PDE8B: variants seen among roughly 807,000 people sequenced by gnomAD.
PDE8B encodes the protein high affinity cAMP-specific and IBMX-insensitive 3',5'-cyclic phosphodiesterase 8B.
In PDE8B, 26 loss-of-function variants were observed where a neutral mutation model predicts 101.3. The observed-to-expected ratio is 0.26, with a 90% CI of 0.19 to 0.36. The LOEUF (loss-of-function observed/expected upper bound fraction) is 0.36, where lower values mean the gene tolerates loss of function less well. Among genes scored for constraint, PDE8B ranks in the 10% least tolerant of loss-of-function variants. The pLI is 1.00. For missense variants in PDE8B, 810 were observed against 1,163.1 expected (o/e 0.70, Z 4.42); for synonymous variants, 424 against 429.3 (o/e 0.99, Z 0.15).
At chr5:77,141,438 C>T in the PDE8B span, 2 of 152,152 alleles carry the variant, frequency 1.3e-5, no homozygotes, top group Admixed American at 6.5e-5. Flanking sequence ...GGCATCTAAC[C>T]CACCTGCTTT....
the PDE8B span, among the ~76,000 whole-genome samples, chr5:77,180,081 T>C: frequency 2.0e-5 from 3 of 150,638 alleles, no homozygotes; most frequent in South Asian, 4.3e-4. Context: ...GTAAAGGGGG[T>C]GTTGGGAATC....
At chr5:77,304,171 G>A (rs1040847470) in intron 1 of PDE8B, among the ~76,000 whole-genome samples, 1 of 152,074 alleles carries the variant, frequency 6.6e-6, no homozygotes. Flanking sequence ...GTTTCTGAGG[G>A]GCCACTTTCT....
At chr5:77,245,048 G>A (rs1292356471) in intron 1 of PDE8B, among the ~76,000 whole-genome samples, 1 of 152,170 alleles carries the variant, frequency 6.6e-6, no homozygotes, top group East Asian at 1.9e-4. Flanking sequence ...GTATCTTAAG[G>A]GAAACCTTAA....
chr5:77,363,081 T>C (rs1290120118), intron 10 of PDE8B, among the ~76,000 whole-genome samples: 1 of 152,226 alleles, frequency 6.6e-6, no homozygotes. Flanking sequence ...GTAAGATGTC[T>C]TTCGTGTTGA....
chr5:77,178,605 A>G, the PDE8B span, among the ~76,000 whole-genome samples: 3 of 152,264 alleles, frequency 2.0e-5, no homozygotes, highest in East Asian at 3.9e-4. Context: ...TTCGTTTGCT[A>G]TTGCTACATA....
At chr5:77,316,877 A>G (rs1053134330) in intron 2 of PDE8B, among the ~76,000 whole-genome samples, 3 of 152,190 alleles carry the variant, frequency 2.0e-5, no homozygotes, top group Non-Finnish European at 4.4e-5. Context: ...TTTGGCTCCA[A>G]ATAACAGCAG....
At chr5:77,263,748 T>A (rs1293240179) in intron 1 of PDE8B, among the ~76,000 whole-genome samples, 3 of 152,216 alleles carry the variant, frequency 2.0e-5, no homozygotes, top group African/African-American at 7.2e-5. Flanking sequence ...TGGAGGTTAT[T>A]GTTATTAATT....
intron 12 of PDE8B, 29 bp from the exon 13 acceptor site, chr5:77,407,352 T>C: frequency 2.5e-6 from 4 of 1,602,298 alleles, no homozygotes; most frequent in Non-Finnish European, 3.4e-6. Context: ...CCACCGGAAC[T>C]GGACACAGCT....
At chr5:77,214,754 A>G (rs1350363997) in intron 1 of PDE8B, among the ~76,000 whole-genome samples, 3 of 152,184 alleles carry the variant, frequency 2.0e-5, no homozygotes, top group African/African-American at 7.2e-5. Context: ...TTTACGCAAG[A>G]ATCACCTAGA....
chr5:77,324,603 AC>A (rs1200264526), intron 2 of PDE8B, among the ~76,000 whole-genome samples: 2 of 152,220 alleles, frequency 1.3e-5, no homozygotes, highest in African/African-American at 2.4e-5. Flanking sequence ...CAATAGAAGC[AC>A]TTTTCCCTCG....
At chr5:77,370,716 C>T (rs1784935128) in intron 10 of PDE8B, among the ~76,000 whole-genome samples, 1 of 152,172 alleles carries the variant, frequency 6.6e-6, no homozygotes, top group Non-Finnish European at 1.5e-5. Context: ...TGTGTGTTTA[C>T]TTTTGTAAGA....
chr5:77,177,133 G>A, the PDE8B span, among the ~76,000 whole-genome samples: 1 of 151,874 alleles, frequency 6.6e-6, no homozygotes, highest in South Asian at 2.1e-4. Flanking sequence ...TGCATGGTAG[G>A]TGATAAATAT....
chr5:77,207,749 C>A (rs1430610169), upstream of PDE8B, among the ~76,000 whole-genome samples: 1 of 152,212 alleles, frequency 6.6e-6, no homozygotes, highest in African/African-American at 2.4e-5. Flanking sequence ...TCCACTTGCA[C>A]ACTTCTGCAA....
chr5:77,365,863 C>T (rs1338251865), intron 10 of PDE8B, among the ~76,000 whole-genome samples: 5 of 152,130 alleles, frequency 3.3e-5, no homozygotes, highest in East Asian at 1.9e-4. Context: ...GAGGTGCTTC[C>T]GTAGGGGTAG....
chr5:77,191,578 C>A, the PDE8B span, among the ~76,000 whole-genome samples: 14 of 152,228 alleles, frequency 9.2e-5, no homozygotes, highest in African/African-American at 3.1e-4. Context: ...TGGTCTCAAT[C>A]TCCTGACCTC....
Position 77,351,098 on chromosome 5 carries a change from T to C in PDE8B, c.1051T>C (p.Ser351Pro). The C allele has an allele frequency of 6.2e-7, 1 of 1,614,098 alleles. No individual in the cohort carries two copies. The highest frequency in any genetic ancestry group is 8.5e-7 in the Non-Finnish European group (1 of 1,179,992). Residue 351 changes from serine (S) to proline (P), a missense_variant, in exon 9 of 22, where the codon TCC becomes CCC. Physicochemically the swap from Ser to Pro is moderately conservative, Grantham distance 74 (BLOSUM62 -1). This residue lies in a region of PDE8B where 251 missense variants were observed against 378.8 expected (regional missense o/e 0.66). Coordinates refer to ENST00000264917, the MANE Select transcript of PDE8B (RefSeq NM_003719.5). ...GGGGGTTTACTATGCCAGACGGAAA[T>C]CCGGGGACAGCATCCAACAGCACGT... ...WQGVYYARRK[S>P]GDSIQQHVKI...
In PDE8B at chr5:77,232,942, G is replaced by A. The variant is rs182832929; in HGVS notation, c.339+21678G>A. Among the ~76,000 whole-genome samples, 20 of 152,268 alleles carry A rather than the reference G, an allele frequency of 1.3e-4. No individual in the cohort carries two copies. The East Asian group carries it at 3.3e-3, about 25-fold the overall frequency. On this transcript the variant is annotated intron_variant, in intron 1 of 21. Transcript: ENST00000264917. ...TAAAGGGAATACTGCTGTAAGTAGC[G>A]AATCCTTTGAATTGGAAGATGTCAC...
At chr5:77,335,856 A>T (rs575793098) in intron 5 of PDE8B, among the ~76,000 whole-genome samples, 2 of 152,084 alleles carry the variant, frequency 1.3e-5, no homozygotes, top group African/African-American at 4.8e-5. Context: ...ATTGTCCTTA[A>T]ATCTCTTCCC....
chr5:77,278,192 T>C (rs1440778841), intron 1 of PDE8B, among the ~76,000 whole-genome samples: 1 of 152,188 alleles, frequency 6.6e-6, no homozygotes, highest in Non-Finnish European at 1.5e-5. Context: ...GGTAAACGTC[T>C]CCCAGCTTCA....
Sources: allele counts gnomAD v4.1 joint callset (sites outside exome capture counted in the v4.1 genomes callset), GRCh38; gene constraint gnomAD v4.1.1; regional missense constraint gnomAD v4.1.1; transcripts MANE v1.5; gene names NCBI Gene and HGNC (gene_info 2026-07-23, HGNC 2026-07-21).